RORA: variants seen among roughly 807,000 people sequenced by gnomAD.
The protein encoded by RORA is RAR related orphan receptor A.
Under a neutral mutation model 69.5 loss-of-function variants are expected in RORA, and 7 were observed. That is an observed-to-expected ratio of 0.10 (90% CI 0.06 to 0.19). RORA has a LOEUF of 0.19. RORA is among the 10% of genes least tolerant of loss of function. RORA has a pLI of 1.00. For missense variants in RORA, 457 were observed against 663.0 expected (o/e 0.69, Z 3.41); for synonymous variants, 261 against 240.8 (o/e 1.08, Z -0.78).
At chr15:60,767,910 G>C (rs1461551695) in intron 1 of RORA, among the ~76,000 whole-genome samples, 1 of 152,154 alleles carries the variant, frequency 6.6e-6, no homozygotes, top group African/African-American at 2.4e-5. Context: ...TCACTGGACT[G>C]TCAGTTCCTT....
chr15:61,150,540 C>A (rs1235423788), intron 1 of RORA, among the ~76,000 whole-genome samples: 1 of 152,134 alleles, frequency 6.6e-6, no homozygotes, highest in East Asian at 1.9e-4. Flanking sequence ...AACACAATTT[C>A]AAATTGGAGT....
chr15:61,229,284 C>T lies in RORA; in HGVS notation c.-66G>A. The T allele has an allele frequency of 9.9e-6, 2 of 201,590 alleles. No individual in the cohort carries two copies. The highest frequency in any genetic ancestry group is 1.8e-5 in the Non-Finnish European group (2 of 113,300). The allele number at this position is 201,590 out of a possible 1,614,324, so 12.5% of individuals were successfully genotyped here. On this transcript the variant is annotated 5_prime_UTR_variant, in exon 1 of 11. Transcript: ENST00000335670. ...CGAGACTCCCTCTATCTTCTGTTTT[C>T]AGAGCAACTCTATGGTACCAAAAAA...
intron 1 of RORA, among the ~76,000 whole-genome samples, chr15:60,916,701 C>T (rs917712217): frequency 6.6e-6 from 1 of 151,986 alleles, no homozygotes; most frequent in African/African-American, 2.4e-5. Context: ...GACACTCAGG[C>T]ATCAGGCATC....
At chr15:60,806,750 G>A (rs533014424) in intron 1 of RORA, among the ~76,000 whole-genome samples, 2 of 152,154 alleles carry the variant, frequency 1.3e-5, no homozygotes, top group East Asian at 3.9e-4. Context: ...CTGGAGTCAT[G>A]GCTTTCTTGC....
chr15:60,796,730 T>C (rs1039705367), intron 1 of RORA, among the ~76,000 whole-genome samples: 1 of 152,072 alleles, frequency 6.6e-6, no homozygotes, highest in South Asian at 2.1e-4. Flanking sequence ...AAAACTTGTA[T>C]GCAAATCTTC....
chr15:60,749,740 T>C (rs776306429), intron 1 of RORA, among the ~76,000 whole-genome samples: 12 of 152,076 alleles, frequency 7.9e-5, no homozygotes, highest in Non-Finnish European at 1.3e-4. Context: ...TAATAGCTAA[T>C]ATTAGGGCTG....
chr15:60,904,633 T>TA (rs2061187404), intron 1 of RORA, among the ~76,000 whole-genome samples: 1 of 152,304 alleles, frequency 6.6e-6, no homozygotes, highest in African/African-American at 2.4e-5. Context: ...GAAAGAGCTA[T>TA]ACATGTGAAC....
At chr15:60,922,041 A>G (rs1892063764) in intron 1 of RORA, among the ~76,000 whole-genome samples, 1 of 152,138 alleles carries the variant, frequency 6.6e-6, no homozygotes, top group Admixed American at 6.5e-5. Flanking sequence ...TGTCTCCCCA[A>G]CCGTTAAAAA....
In RORA at chr15:60,683,085, G is replaced by A. The variant is rs573475098; in HGVS notation, c.167-4399C>T. Among the ~76,000 whole-genome samples, 4 of 152,192 alleles carry A rather than the reference G, an allele frequency of 2.6e-5. No homozygotes were observed. In the East Asian group the frequency reaches 7.7e-4, roughly 29 times the overall value. ...GAGTGCAGCGGCACCATCATAGCTC[G>A]CTGCAGCCTTGACCTCCCAGGCTCA... On this transcript the variant is annotated intron_variant, in intron 1 of 10. Coordinates refer to ENST00000335670, the MANE Select transcript of RORA (RefSeq NM_134261.3).
chr15:60,654,657 T>C (rs1168372902), intron 2 of RORA, among the ~76,000 whole-genome samples: 1 of 152,172 alleles, frequency 6.6e-6, no homozygotes, highest in Non-Finnish European at 1.5e-5. Context: ...GAGATTATTC[T>C]GGATTATCTG....
chr15:60,784,202 T>C (rs2072304109), intron 1 of RORA, among the ~76,000 whole-genome samples: 1 of 152,234 alleles, frequency 6.6e-6, no homozygotes, highest in Non-Finnish European at 1.5e-5. Context: ...AGTCCACTTT[T>C]TAGGGGAAAG....
At chr15:60,732,643 C>T (rs2071443609) in intron 1 of RORA, among the ~76,000 whole-genome samples, 1 of 152,084 alleles carries the variant, frequency 6.6e-6, no homozygotes, top group Non-Finnish European at 1.5e-5. Context: ...TTCTCATTCT[C>T]TCTCTCTCTC....
rs182922684 is a variant in RORA at position 60,781,042 on chromosome 15, C to T, written c.167-102356G>A. On this transcript the variant is annotated intron_variant, in intron 1 of 10. Coordinates refer to ENST00000335670, the MANE Select transcript of RORA (RefSeq NM_134261.3). ...ACTAAGACTTAGAGGACTTCAGTAACTTCTTGAAGGTAACAAAACCTGTAA... is the reference window on the plus strand; with the variant it reads ...ACTAAGACTTAGAGGACTTCAGTAATTTCTTGAAGGTAACAAAACCTGTAA... Among the ~76,000 whole-genome samples the T allele has an allele frequency of 6.6e-5, 10 of 152,322 alleles. No homozygotes were observed. The East Asian group carries it at 1.7e-3, about 26-fold the overall frequency.
At chr15:60,824,581 T>A (rs2072933857) in intron 1 of RORA, among the ~76,000 whole-genome samples, 1 of 152,216 alleles carries the variant, frequency 6.6e-6, no homozygotes, top group South Asian at 2.1e-4. Context: ...TCAAATCTCA[T>A]CTTCTGCCAT....
chr15:60,821,907 G>A (rs1309068375), intron 1 of RORA, among the ~76,000 whole-genome samples: 2 of 152,186 alleles, frequency 1.3e-5, no homozygotes, highest in East Asian at 1.9e-4. Flanking sequence ...GCTGAGGATT[G>A]GAATCCAGGC....
intron 1 of RORA, among the ~76,000 whole-genome samples, chr15:60,683,647 TACACAC>T (rs59854874): frequency 3.4e-5 from 5 of 148,624 alleles, no homozygotes; most frequent in African/African-American, 5.0e-5. Flanking sequence ...CAGATACACA[TACACAC>T]ACACACACAC....
chr15:60,505,733 G>A (rs2065479109), intron 5 of RORA, 104 bp from the exon 6 acceptor site: 1 of 1,351,474 alleles, frequency 7.4e-7, no homozygotes, highest in Non-Finnish European at 1.0e-6. Flanking sequence ...ACAATGTGCT[G>A]TGCGAGTTTT....
intron 2 of RORA, among the ~76,000 whole-genome samples, chr15:60,559,188 A>T (rs1478025872): frequency 6.6e-6 from 1 of 152,194 alleles, no homozygotes; most frequent in Non-Finnish European, 1.5e-5. Context: ...AAAAAAGTAT[A>T]AAATTATTGT....
At chr15:60,942,189 A>G (rs939126673) in intron 1 of RORA, among the ~76,000 whole-genome samples, 20 of 152,312 alleles carry the variant, frequency 1.3e-4, no homozygotes, top group Middle Eastern at 3.4e-3. Flanking sequence ...GAGCCCTTAC[A>G]TAATGGTCAG....
Sources: allele counts gnomAD v4.1 joint callset (sites outside exome capture counted in the v4.1 genomes callset), GRCh38; gene constraint gnomAD v4.1.1; transcripts MANE v1.5; gene names NCBI Gene and HGNC (gene_info 2026-07-23, HGNC 2026-07-21).